SLC6A2: variants seen among roughly 807,000 people sequenced by gnomAD.
SLC6A2 encodes solute carrier family 6 member 2, also known as sodium-dependent noradrenaline transporter.
SLC6A2 carries 26 observed loss-of-function variants against 71.7 expected under a neutral mutation model. The ratio of observed to expected loss-of-function variants is 0.36; its 90% CI spans 0.27 to 0.50. The LOEUF is 0.50. Among genes scored for constraint, SLC6A2 ranks in the 20% least tolerant of loss-of-function variants. The probability of loss-of-function intolerance (pLI) is 0.96; values close to 1 mark genes in which losing one functional copy is unlikely to be tolerated. For synonymous variants in SLC6A2, 363 were observed against 337.9 expected (o/e 1.07, Z -0.82); for missense variants, 581 against 803.9 (o/e 0.72, Z 3.35).
At chr16:55,666,077 T>A (rs1964742423) in intron 2 of SLC6A2, among the ~76,000 whole-genome samples, 1 of 152,228 alleles carries the variant, frequency 6.6e-6, no homozygotes, top group African/African-American at 2.4e-5. Context: ...CACTGGGCAC[T>A]GAGCTCCTCA....
Position 55,685,301 on chromosome 16 carries a change from C to A in SLC6A2, c.783+20C>A. On this transcript the variant is annotated intron_variant, in intron 5 of 14. Transcript: ENST00000568943. ...GGAAAGGTAATATCTCTGTGTTTCT[C>A]TTTCACTTACTTGGGTGATCAACCT... 6.2e-7 allele frequency: 1 copy of A among 1,611,974 alleles called. No homozygotes were observed. Among genetic ancestry groups the A allele is most frequent in the Non-Finnish European group, 8.5e-7 (1 of 1,178,048 alleles).
intron 4 of SLC6A2, among the ~76,000 whole-genome samples, chr16:55,674,576 C>A (rs1371849042): frequency 6.6e-6 from 1 of 152,052 alleles, no homozygotes; most frequent in African/African-American, 2.4e-5. Context: ...AGGCACCCAC[C>A]ACAACGCCTG....
intron 8 of SLC6A2, 81 bp downstream of exon 8, chr16:55,695,483 T>C (rs1235910856): frequency 1.3e-6 from 2 of 1,498,958 alleles, no homozygotes; most frequent in African/African-American, 2.7e-5. Flanking sequence ...GCATGGCTCT[T>C]CCGTGGCTGT....
chr16:55,704,698 C>G lies in SLC6A2; in HGVS notation c.*2352C>G, dbSNP rs1966065908. ...GAGCAGGGTCGTGCTTCCGAGAGAGCCTGCCATTTCCTCTTTGCCATCTGC... is the reference window on the plus strand; with the variant it reads ...GAGCAGGGTCGTGCTTCCGAGAGAGGCTGCCATTTCCTCTTTGCCATCTGC... On this transcript the variant is annotated 3_prime_UTR_variant, in exon 15 of 15. Transcript: ENST00000568943. The G allele has an allele frequency of 6.6e-6, 1 of 152,634 alleles. No individual in the cohort carries two copies. The highest frequency in any genetic ancestry group is 1.5e-5 in the Non-Finnish European group (1 of 68,340). The allele number at this position is 152,634 out of a possible 1,614,324, so 9.5% of individuals were successfully genotyped here.
At chr16:55,685,562 A>G (rs1208540565) in intron 5 of SLC6A2, among the ~76,000 whole-genome samples, 1 of 152,208 alleles carries the variant, frequency 6.6e-6, no homozygotes, top group Admixed American at 6.5e-5. Context: ...AGCAGAGACC[A>G]GGGACTGGGA....
intron 4 of SLC6A2, among the ~76,000 whole-genome samples, chr16:55,677,049 C>G (rs143070208): frequency 2.0e-5 from 3 of 152,160 alleles, no homozygotes; most frequent in Non-Finnish European, 4.4e-5. Flanking sequence ...ATCCAGCCAA[C>G]GTTGGAAGCC....
At position 55,667,852 on chromosome 16, in the gene SLC6A2, C is replaced by A. The variant is rs535393560; in HGVS notation, c.275-1713C>A. On this transcript the variant is annotated intron_variant, in intron 2 of 14. Coordinates refer to ENST00000568943, the MANE Select transcript of SLC6A2 (RefSeq NM_001172501.3). ...TCTGTGGGGCATGTTGGAAACAGCT[C>A]TGGAGCTCTTGAGCCAGGCAGACCT... Among the ~76,000 whole-genome samples the A allele has an allele frequency of 2.5e-4, 38 of 152,312 alleles. No individual in the cohort carries two copies. The South Asian group carries it at 7.3e-3, about 29-fold the overall frequency.
In SLC6A2 at chr16:55,696,480, CA is replaced by C. The variant is rs1156503070; in HGVS notation, c.1260+150del. On this transcript the variant is annotated intron_variant, in intron 9 of 14. Coordinates refer to ENST00000568943, the MANE Select transcript of SLC6A2 (RefSeq NM_001172501.3). Reference sequence around the variant, plus strand: ...CCAGAAGGCCCTATTTAAATGCAGACAAAAAAAGTGAGTCCTCACTCAAAAA... The same window carrying C: ...CCAGAAGGCCCTATTTAAATGCAGACAAAAAAGTGAGTCCTCACTCAAAAA... 4.5e-5 allele frequency: 30 copies of C among 672,224 alleles called. 1 individual carries two copies. The highest frequency in any genetic ancestry group is 5.4e-5 in the Non-Finnish European group (20 of 368,706). 41.6% of individuals were successfully genotyped at this position (672,224 alleles called of 1,614,324 possible).
At chr16:55,675,500 G>A (rs1410568410) in intron 4 of SLC6A2, among the ~76,000 whole-genome samples, 3 of 152,146 alleles carry the variant, frequency 2.0e-5, no homozygotes, top group East Asian at 1.9e-4. Flanking sequence ...CTCACAGGTC[G>A]TACCTAAACA....
At chr16:55,658,909 C>T (rs1267874365) in intron 2 of SLC6A2, among the ~76,000 whole-genome samples, 3 of 152,124 alleles carry the variant, frequency 2.0e-5, no homozygotes, top group South Asian at 2.1e-4. Context: ...GCCTCTCAAG[C>T]GTTACTGGGC....
intron 3 of SLC6A2, among the ~76,000 whole-genome samples, chr16:55,671,500 CG>C (rs796979242): frequency 3.2e-4 from 48 of 152,306 alleles, no homozygotes; most frequent in African/African-American, 1.1e-3. Flanking sequence ...TGTTAGGAAC[CG>C]GGCCACACAG....
rs781023132 is a variant in SLC6A2 at position 55,692,026 on chromosome 16, G to A, written c.892G>A (p.Asp298Asn). 6 of 1,614,162 alleles carry A rather than the reference G, an allele frequency of 3.7e-6. No individual in the cohort carries two copies. The highest frequency in any genetic ancestry group is 1.1e-5 in the South Asian group (1 of 91,072). Residue 298 changes from aspartate (D) to asparagine (N), a missense_variant, in exon 6 of 15, where the codon GAC (aspartate) becomes AAC (asparagine). By Grantham distance (23) the Asp-to-Asn change is conservative (BLOSUM62 1). Around this residue, in one of 5 missense-constraint regions of SLC6A2, gnomAD observed 334 missense variants for 449.0 expected, o/e 0.74. Coordinates refer to ENST00000568943, the MANE Select transcript of SLC6A2 (RefSeq NM_001172501.3). ...SNGINAYLHI[D>N]FYRLKEATVW... ...TGGCATCAATGCCTACCTGCACATC[G>A]ACTTCTACCGCTTGAAAGAGGCCAC...
chr16:55,695,186 G>T, intron 7 of SLC6A2, 92 bp from the exon 8 acceptor site: 11 of 1,508,480 alleles, frequency 7.3e-6, no homozygotes, highest in Non-Finnish European at 1.0e-5. Flanking sequence ...TTGAGGCTGG[G>T]GCCAGGCTGC....
chr16:55,679,898 T>A (rs1200802244), intron 4 of SLC6A2, among the ~76,000 whole-genome samples: 2 of 152,210 alleles, frequency 1.3e-5, no homozygotes, highest in Non-Finnish European at 2.9e-5. Flanking sequence ...TTCGACTTTT[T>A]CGGTTGGATG....
At chr16:55,692,371 C>G (rs1352484690) in intron 6 of SLC6A2, among the ~76,000 whole-genome samples, 1 of 152,146 alleles carries the variant, frequency 6.6e-6, no homozygotes, top group Non-Finnish European at 1.5e-5. Context: ...TGCCCTGTGC[C>G]CACAGCTCCC....
At position 55,705,343 on chromosome 16, in the gene SLC6A2, A is replaced by G; in HGVS notation, c.*2997A>G. The G allele has an allele frequency of 9.2e-7, 1 of 1,083,340 alleles. No individual in the cohort carries two copies. Among genetic ancestry groups the G allele is most frequent in the Non-Finnish European group, 1.3e-6 (1 of 748,424 alleles). 67.1% of individuals were successfully genotyped at this position (1,083,340 alleles called of 1,614,324 possible). A position where few individuals can be genotyped will look rare whatever the true frequency, so the allele number is the denominator to read the frequency against. On this transcript the variant is annotated 3_prime_UTR_variant, in exon 15 of 15. Coordinates refer to ENST00000568943, the MANE Select transcript of SLC6A2 (RefSeq NM_001172501.3). The stretch of plus-strand genomic sequence containing the variant: ...TCAGCTGGGAGCCAGTTCCTGCTAT[A>G]TGATCTGTTTTCTAGCCTCGCTAAT...
intron 5 of SLC6A2, among the ~76,000 whole-genome samples, chr16:55,688,758 C>T (rs778218517): frequency 1.3e-5 from 2 of 152,144 alleles, no homozygotes; most frequent in Non-Finnish European, 2.9e-5. Flanking sequence ...GCCATTTTCT[C>T]GATGCCTGGA....
Position 55,704,441 on chromosome 16 carries a change from A to T in SLC6A2, c.*2095A>T, listed in dbSNP as rs1053135154. 1 of 152,184 alleles carries T rather than the reference A, an allele frequency of 6.6e-6. No homozygotes were observed. Among genetic ancestry groups the T allele is most frequent in the Admixed American group, 6.5e-5 (1 of 15,288 alleles). 9.4% of individuals were successfully genotyped at this position (152,184 alleles called of 1,614,324 possible). On this transcript the variant is annotated 3_prime_UTR_variant, in exon 15 of 15. Transcript: ENST00000568943. ...CACCCCACCCAGGACTGTCATTTTT[A>T]AAAAACTCATTCAAACCGCAAAGGA...
Position 55,694,954 on chromosome 16 carries a change from T to C in SLC6A2, c.1023-324T>C, listed in dbSNP as rs180722312. Among the ~76,000 whole-genome samples, 443 of 152,228 alleles carry C rather than the reference T, an allele frequency of 2.9e-3. 1 individual carries two copies. Among genetic ancestry groups the C allele is most frequent in the Admixed American group, 3.3e-3 (51 of 15,300 alleles). On this transcript the variant is annotated intron_variant, in intron 7 of 14. Transcript: ENST00000568943. Reference sequence around the variant, plus strand: ...AGATAAATATATAAGGAAGGCTGGGTCTTCTTAGCAAAGCTCTTGAATGAC... The same window carrying C: ...AGATAAATATATAAGGAAGGCTGGGCCTTCTTAGCAAAGCTCTTGAATGAC...
Sources: gnomAD v4.1 joint callset for allele counts (sites outside exome capture counted in the v4.1 genomes callset) on GRCh38, gnomAD v4.1.1 for gene constraint, gnomAD v4.1.1 regional missense constraint, MANE v1.5 for transcripts, NCBI Gene and HGNC (gene_info 2026-07-23, HGNC 2026-07-21) for gene names.